GATAD2A: variants seen among roughly 807,000 people sequenced by gnomAD.
GATAD2A encodes the protein transcriptional repressor p66-alpha.
GATAD2A carries 12 observed loss-of-function variants against 68.5 expected under a neutral mutation model. The ratio of observed to expected loss-of-function variants is 0.18; its 90% CI spans 0.11 to 0.28. The LOEUF (loss-of-function observed/expected upper bound fraction) is 0.28, where lower values mean the gene tolerates loss of function less well. Among genes scored for constraint, GATAD2A ranks in the 10% least tolerant of loss-of-function variants. The probability of loss-of-function intolerance (pLI) is 1.00; values close to 1 mark genes in which losing one functional copy is unlikely to be tolerated. For missense variants in GATAD2A, 755 were observed against 868.5 expected, an observed-to-expected ratio of 0.87 and a Z score of 1.64; for synonymous variants, 410 against 375.3, an observed-to-expected ratio of 1.09 and a Z score of -1.07.
intron 1 of GATAD2A, chr19:19,464,672 A>C (rs902350454): frequency 1.3e-5 from 2 of 152,316 alleles, no homozygotes; most frequent in African/African-American, 4.8e-5. Context: ...TTTCTTCTTT[A>C]AATCAAGATA....
At chr19:19,395,342 G>A (rs2049147333) in intron 1 of GATAD2A, among the ~76,000 whole-genome samples, 2 of 151,882 alleles carry the variant, frequency 1.3e-5, no homozygotes. Context: ...GTAATCCCAG[G>A]TACTCTGGAG....
chr19:19,408,507 T>C (rs1179632536), intron 1 of GATAD2A, among the ~76,000 whole-genome samples: 2 of 152,058 alleles, frequency 1.3e-5, no homozygotes, highest in African/African-American at 2.4e-5. Context: ...TTAGAAAACT[T>C]TTTAGTGTCT....
chr19:19,400,886 G>A (rs1040061949), upstream of GATAD2A, among the ~76,000 whole-genome samples: 4 of 152,108 alleles, frequency 2.6e-5, no homozygotes, highest in African/African-American at 9.7e-5. Context: ...GGTGGCTCCT[G>A]CCTGTAATCC....
chr19:19,427,947 A>G (rs1234976935), intron 1 of GATAD2A: 1 of 152,202 alleles, frequency 6.6e-6, no homozygotes, highest in Non-Finnish European at 1.5e-5. Context: ...TCAGCCTCTC[A>G]AAGTGCTGGG....
intron 1 of GATAD2A, among the ~76,000 whole-genome samples, chr19:19,413,211 C>T (rs1489346807): frequency 2.6e-5 from 4 of 152,296 alleles, no homozygotes; most frequent in Middle Eastern, 3.4e-3. Context: ...AGCACAGGCT[C>T]ACTCTGCCAG....
intron 1 of GATAD2A, among the ~76,000 whole-genome samples, chr19:19,452,464 G>T (rs2056490432): frequency 6.6e-6 from 1 of 152,026 alleles, no homozygotes; most frequent in South Asian, 2.1e-4. Flanking sequence ...TAAAATGGTT[G>T]TCCACCTGTT....
At chr19:19,404,508 G>C (rs2050015504), upstream of GATAD2A, among the ~76,000 whole-genome samples, 1 of 151,710 alleles carries the variant, frequency 6.6e-6, no homozygotes, top group South Asian at 2.1e-4. Context: ...GTGAAACCCC[G>C]TCTCTACTAA....
intron 1 of GATAD2A, among the ~76,000 whole-genome samples, chr19:19,433,877 T>C (rs781048634): frequency 5.3e-5 from 8 of 152,160 alleles, no homozygotes; most frequent in Non-Finnish European, 1.0e-4. Flanking sequence ...CAGGTGATCC[T>C]CCCACCTCAA....
exon 1 of GATAD2A, chr19:19,386,082 C>G (rs1221436161): frequency 6.6e-6 from 1 of 152,102 alleles, no homozygotes; most frequent in East Asian, 1.9e-4. Flanking sequence ...AAGACCTGAC[C>G]GGACTGCGCC....
intron 2 of GATAD2A, among the ~76,000 whole-genome samples, chr19:19,476,366 G>A (rs1023658114): frequency 1.3e-5 from 2 of 152,230 alleles, no homozygotes; most frequent in African/African-American, 4.8e-5. Context: ...TATTCCTGCT[G>A]TTGTCTTATT....
At chr19:19,408,282 G>C (rs2050521678) in intron 1 of GATAD2A, among the ~76,000 whole-genome samples, 1 of 152,186 alleles carries the variant, frequency 6.6e-6, no homozygotes, top group Admixed American at 6.5e-5. Flanking sequence ...ACCACGCCTG[G>C]CGGATGCATT....
intron 9 of GATAD2A, 29 bp downstream of exon 9, chr19:19,501,445 G>A (rs774726287): frequency 1.2e-5 from 18 of 1,533,396 alleles, no homozygotes; most frequent in South Asian, 4.7e-5. Context: ...CGGCAGTGCC[G>A]TCCCTAGGAG....
intron 1 of GATAD2A, among the ~76,000 whole-genome samples, chr19:19,413,521 T>A (rs1176402110): frequency 1.3e-5 from 2 of 152,154 alleles, no homozygotes; most frequent in African/African-American, 4.8e-5. Context: ...AGTCAGCTCC[T>A]TTCCTAGGGT....
At chr19:19,484,992 C>A (rs575949933) in intron 2 of GATAD2A, among the ~76,000 whole-genome samples, 1 of 152,296 alleles carries the variant, frequency 6.6e-6, no homozygotes, top group Non-Finnish European at 1.5e-5. Flanking sequence ...CCATGGGACC[C>A]TCTTCAGCCC....
chr19:19,497,336 T>TC (rs2060219631), intron 7 of GATAD2A, among the ~76,000 whole-genome samples: 1 of 152,250 alleles, frequency 6.6e-6, no homozygotes, highest in Non-Finnish European at 1.5e-5. Flanking sequence ...CCTTAAGTGA[T>TC]CCGCCCGACT....
intron 1 of GATAD2A, among the ~76,000 whole-genome samples, chr19:19,407,524 G>T (rs971328366): frequency 5.3e-5 from 8 of 152,206 alleles, no homozygotes; most frequent in Admixed American, 4.6e-4. Context: ...GAGCCAGGCA[G>T]CCCGTACTTG....
intron 2 of GATAD2A, chr19:19,473,928 A>C (rs747095791): frequency 2.2e-6 from 1 of 453,612 alleles, no homozygotes; most frequent in Admixed American, 6.4e-5. Flanking sequence ...CCTGGGCGAC[A>C]GAGCGAGACT....
At chr19:19,409,172 A>G (rs996192623) in intron 1 of GATAD2A, among the ~76,000 whole-genome samples, 33 of 152,096 alleles carry the variant, frequency 2.2e-4, no homozygotes, top group African/African-American at 7.5e-4. Context: ...TGACACCTCA[A>G]AGCCTGGGCA....
intron 11 of GATAD2A, 27 bp from the exon 12 acceptor site, chr19:19,505,317 T>C (rs1166468922): frequency 1.2e-6 from 2 of 1,610,396 alleles, no homozygotes; most frequent in Non-Finnish European, 1.7e-6. Flanking sequence ...GAGGGCCTTC[T>C]CAGCTGGTCG....
Sources: allele counts gnomAD v4.1 joint callset (sites outside exome capture counted in the v4.1 genomes callset), GRCh38; gene constraint gnomAD v4.1.1; transcripts MANE v1.5; gene names NCBI Gene and HGNC (gene_info 2026-07-23, HGNC 2026-07-21).